The following WASF1 variants were observed in gnomAD, a reference collection of about 807,000 sequenced individuals.
WASF1 encodes the protein WASP family member 1, also known as actin-binding protein WASF1.
In WASF1, 7 loss-of-function variants were observed where a neutral mutation model predicts 50.5. The ratio of observed to expected loss-of-function variants is 0.14; its 90% CI spans 0.08 to 0.26. WASF1 has a LOEUF of 0.26. WASF1 is among the 10% of genes least tolerant of loss of function. WASF1 has a pLI of 1.00. For missense variants in WASF1, 470 were observed against 694.7 expected, an observed-to-expected ratio of 0.68 and a Z score of 3.64; for synonymous variants, 205 against 244.0, an observed-to-expected ratio of 0.84 and a Z score of 1.49.
rs1773091116 is a variant in WASF1 at position 110,101,613 on chromosome 6, A to G, written c.1497T>C (p.Ser499=). ...CTTTTCGTATTGCTTCCAGTAGCACACTCCTGGCATCACTGATTACAGGTA... is the reference window on the plus strand; with the variant it reads ...CTTTTCGTATTGCTTCCAGTAGCACGCTCCTGGCATCACTGATTACAGGTA... ...STLPVISDAR[S]VLLEAIRKGI... is the part of the protein sequence containing the mutation. The change falls in exon 10 of 11, where the codon AGT becomes AGC. Residue 499 remains serine, a synonymous_variant. Transcript: ENST00000392589. 2 of 1,613,132 alleles carry G rather than the reference A, an allele frequency of 1.2e-6. No homozygotes were observed. The highest frequency in any genetic ancestry group is 1.7e-6 in the Non-Finnish European group (2 of 1,179,444).
At chr6:110,132,963 TACACACAC>T (rs142466639) in intron 3 of WASF1, among the ~76,000 whole-genome samples, 6 of 130,144 alleles carry the variant, frequency 4.6e-5, no homozygotes, top group East Asian at 2.3e-4. Context: ...CCATGGTGTA[TACACACAC>T]ACACACACAC....
At position 110,139,657 on chromosome 6, in the gene WASF1, A is replaced by G. The variant is rs143115794; in HGVS notation, c.-28-12028T>C. Among the ~76,000 whole-genome samples, 61 of 152,172 alleles carry G rather than the reference A, an allele frequency of 4.0e-4. 1 individual carries two copies. In the East Asian group the frequency reaches 0.012, roughly 29 times the overall value. On this transcript the variant is annotated intron_variant, in intron 3 of 10. Coordinates refer to ENST00000392589, the MANE Select transcript of WASF1 (RefSeq NM_003931.3). ...TTCTCCTTGTCATTCCATCTACACC[A>G]CCACTCCCACCAATTCAATCCATCC...
At chr6:110,127,319 T>C (rs903408337) in intron 4 of WASF1, 150 bp downstream of exon 4, 1 of 593,138 alleles carries the variant, frequency 1.7e-6, no homozygotes, top group Non-Finnish European at 2.6e-6. Flanking sequence ...TAAAACTCAA[T>C]AATTATACTC....
Position 110,113,320 on chromosome 6 carries a change from G to A in WASF1, c.268+6C>T. 2 of 1,546,706 alleles carry A rather than the reference G, an allele frequency of 1.3e-6. No individual in the cohort carries two copies. The highest frequency in any genetic ancestry group is 1.7e-6 in the Non-Finnish European group (2 of 1,150,406). On this transcript the variant is annotated splice_donor_region_variant and intron_variant, in intron 5 of 10. Coordinates refer to ENST00000392589, the MANE Select transcript of WASF1 (RefSeq NM_003931.3). ...GTAGAAGAAAATACAATATTAATAA[G>A]CTTACATTCTTCTTCCTTTGGATCA...
chr6:110,124,222 CT>C (rs1465901638), intron 4 of WASF1, among the ~76,000 whole-genome samples: 1,501 of 77,324 alleles, frequency 0.019, 60 homozygotes, highest in African/African-American at 0.031. Context: ...TCTCTCCTCT[CT>C]CTCCTCTCTC....
intron 5 of WASF1, among the ~76,000 whole-genome samples, chr6:110,110,318 A>C (rs919685506): frequency 3.3e-5 from 5 of 152,212 alleles, no homozygotes. Flanking sequence ...TCTACCTTTG[A>C]GGCTAATCTT....
chr6:110,140,189 T>G (rs1411808854), intron 3 of WASF1, among the ~76,000 whole-genome samples: 1 of 152,174 alleles, frequency 6.6e-6, no homozygotes, highest in African/African-American at 2.4e-5. Context: ...ATCATGTCTA[T>G]GTAATGAAGC....
intron 3 of WASF1, among the ~76,000 whole-genome samples, chr6:110,142,367 T>TA (rs1422555319): frequency 6.6e-6 from 1 of 152,202 alleles, no homozygotes; most frequent in Non-Finnish European, 1.5e-5. Context: ...AAAAGCTTTT[T>TA]AGAGAGAAAA....
At chr6:110,135,261 T>A (rs1386081246) in intron 3 of WASF1, among the ~76,000 whole-genome samples, 1 of 152,192 alleles carries the variant, frequency 6.6e-6, no homozygotes, top group Non-Finnish European at 1.5e-5. Flanking sequence ...CAGTTCTAGC[T>A]TTTTGGATGA....
chr6:110,175,977 ATTAT>A (rs1776911610), intron 2 of WASF1, among the ~76,000 whole-genome samples: 3 of 152,050 alleles, frequency 2.0e-5, no homozygotes, highest in South Asian at 2.1e-4. Context: ...CAGGTATTTT[ATTAT>A]TTAAATAGGC....
chr6:110,121,586 A>T (rs535803310), intron 4 of WASF1, among the ~76,000 whole-genome samples: 11 of 152,302 alleles, frequency 7.2e-5, no homozygotes, highest in African/African-American at 2.6e-4. Context: ...ACTATTGGTG[A>T]GAGTGTAAGT....
chr6:110,136,832 A>G (rs562426106), intron 3 of WASF1, among the ~76,000 whole-genome samples: 42 of 152,306 alleles, frequency 2.8e-4, no homozygotes, highest in African/African-American at 1.0e-3. Flanking sequence ...AAGATATTCT[A>G]CTTGCCCTAC....
intron 2 of WASF1, among the ~76,000 whole-genome samples, chr6:110,169,546 C>T (rs114942059): frequency 8.9e-4 from 135 of 152,236 alleles, no homozygotes; most frequent in African/African-American, 3.1e-3. Context: ...CATTCAACTC[C>T]TTTGATGGTA....
chr6:110,170,450 C>A (rs1374078829), intron 2 of WASF1, among the ~76,000 whole-genome samples: 1 of 152,086 alleles, frequency 6.6e-6, no homozygotes, highest in Non-Finnish European at 1.5e-5. Flanking sequence ...TGTCAAACTT[C>A]TGGGCTCAAG....
At chr6:110,150,584 C>T (rs1428253350) in intron 3 of WASF1, among the ~76,000 whole-genome samples, 1 of 152,052 alleles carries the variant, frequency 6.6e-6, no homozygotes, top group African/African-American at 2.4e-5. Flanking sequence ...GCACTGATGT[C>T]CATCACAAGT....
At chr6:110,161,028 A>G (rs1452684654) in intron 2 of WASF1, among the ~76,000 whole-genome samples, 1 of 151,492 alleles carries the variant, frequency 6.6e-6, no homozygotes, top group Non-Finnish European at 1.5e-5. Context: ...AACTTTACCT[A>G]TTGCTACTAA....
rs1773026741 is a variant in WASF1, at chr6:110,100,341, A to C, written c.*181T>G. 1 of 604,380 alleles carries C rather than the reference A, an allele frequency of 1.7e-6. No individual in the cohort carries two copies. The highest frequency in any genetic ancestry group is 2.7e-6 in the Non-Finnish European group (1 of 376,234). The allele number at this position is 604,380 out of a possible 1,614,324, so 37.4% of individuals were successfully genotyped here. A position where few individuals can be genotyped will look rare whatever the true frequency, so the allele number is the denominator to read the frequency against. On this transcript the variant is annotated 3_prime_UTR_variant, in exon 11 of 11. Coordinates refer to ENST00000392589, the MANE Select transcript of WASF1 (RefSeq NM_003931.3). ...GGGGAAAAAAAAGATAAGCCACTGT[A>C]AAACATTTAGTTTGAAATGTATGCT...
chr6:110,120,261 C>T (rs556825150), intron 4 of WASF1, among the ~76,000 whole-genome samples: 2 of 152,168 alleles, frequency 1.3e-5, no homozygotes, highest in African/African-American at 4.8e-5. Context: ...CTCTTGTTTT[C>T]AGATGACATG....
At position 110,168,329 on chromosome 6, in the gene WASF1, C is replaced by T. The variant is rs959908774; in HGVS notation, c.-126-7597G>A. 3.9e-5 allele frequency among the ~76,000 whole-genome samples: 6 copies of T among 152,092 alleles called. No homozygotes were observed. The East Asian group carries it at 5.8e-4, about 15-fold the overall frequency. ...AAAAATTTACATTTTATTTTTAATG[C>T]TAATGAATGAAATTAAGTTCTGTAT... On this transcript the variant is annotated intron_variant, in intron 2 of 10. Transcript: ENST00000392589.
Sources: gnomAD v4.1 joint callset for allele counts (sites outside exome capture counted in the v4.1 genomes callset) on GRCh38, gnomAD v4.1.1 for gene constraint, MANE v1.5 for transcripts, NCBI Gene and HGNC (gene_info 2026-07-23, HGNC 2026-07-21) for gene names.